KHDRBS2: variants seen among roughly 807,000 people sequenced by gnomAD.
The protein encoded by KHDRBS2 is KH RNA binding domain containing, signal transduction associated 2.
In KHDRBS2, 26 loss-of-function variants were observed where a neutral mutation model predicts 44.3. The ratio of observed to expected loss-of-function variants is 0.59; its 90% CI spans 0.43 to 0.81. The LOEUF is 0.81. Ranked by LOEUF, KHDRBS2 falls within the 40% of genes least tolerant of loss-of-function variation. KHDRBS2 has a pLI of 0.00. For missense variants in KHDRBS2, 476 were observed against 433.1 expected, an observed-to-expected ratio of 1.10 and a Z score of -0.88; for synonymous variants, 194 against 151.1, an observed-to-expected ratio of 1.28 and a Z score of -2.08.
At position 61,948,654 on chromosome 6, in the gene KHDRBS2, C is replaced by CATTATTATTATTATT. The variant is rs145017316; in HGVS notation, c.483+29397_483+29411dup. On this transcript the variant is annotated intron_variant, in intron 4 of 8. Transcript: ENST00000281156. ...TGTGTTGATAAGCACTATATTCTCA[C>CATTATTATTATTATT]ATTATTATTATTATTATTATTATTA... Among the ~76,000 whole-genome samples, 1,064 of 141,580 alleles carry CATTATTATTATTATT rather than the reference C, an allele frequency of 7.5e-3. 9 individuals carry two copies. The highest frequency in any genetic ancestry group is 0.012 in the South Asian group (51 of 4,344). The allele number at this position is 141,580 out of a possible 152,430, so 92.9% of individuals were successfully genotyped here.
At chr6:62,050,609 T>C (rs530097923) in intron 2 of KHDRBS2, among the ~76,000 whole-genome samples, 1 of 151,918 alleles carries the variant, frequency 6.6e-6, no homozygotes, top group South Asian at 2.1e-4. Flanking sequence ...CACACATATA[T>C]ACATACCCCA....
At chr6:61,763,657 C>A (rs1779589129) in intron 6 of KHDRBS2, among the ~76,000 whole-genome samples, 3 of 151,972 alleles carry the variant, frequency 2.0e-5, no homozygotes, top group Admixed American at 6.6e-5. Flanking sequence ...TGAGGAATAC[C>A]AATAATAATA....
chr6:62,190,594 C>T (rs972574603), intron 1 of KHDRBS2, among the ~76,000 whole-genome samples: 1 of 152,080 alleles, frequency 6.6e-6, no homozygotes, highest in Non-Finnish European at 1.5e-5. Flanking sequence ...TTTTAGACAC[C>T]AAGCCCAAAC....
chr6:62,109,848 T>C (rs1476508626), intron 2 of KHDRBS2, among the ~76,000 whole-genome samples: 1 of 151,808 alleles, frequency 6.6e-6, no homozygotes, highest in Non-Finnish European at 1.5e-5. Context: ...ATAATTTCAA[T>C]TTATATCACA....
At chr6:61,631,998 A>G in the KHDRBS2 span, among the ~76,000 whole-genome samples, 1 of 152,196 alleles carries the variant, frequency 6.6e-6, no homozygotes, top group African/African-American at 2.4e-5. Context: ...ACATGAGAAT[A>G]AACATAAACA....
chr6:61,818,286 A>G (rs1317563616), intron 6 of KHDRBS2, among the ~76,000 whole-genome samples: 4 of 149,630 alleles, frequency 2.7e-5, no homozygotes, highest in Non-Finnish European at 6.0e-5. Flanking sequence ...AAAAAAAAGG[A>G]TAGTAGGCAA....
At chr6:61,775,547 T>G (rs1204612441) in intron 6 of KHDRBS2, among the ~76,000 whole-genome samples, 1 of 152,042 alleles carries the variant, frequency 6.6e-6, no homozygotes, top group African/African-American at 2.4e-5. Context: ...TCACAATTGC[T>G]TCAAAGAGAA....
At chr6:61,895,282 G>C (rs773162070) in intron 5 of KHDRBS2, among the ~76,000 whole-genome samples, 1 of 151,934 alleles carries the variant, frequency 6.6e-6, no homozygotes, top group Non-Finnish European at 1.5e-5. Flanking sequence ...CTTTATGCTG[G>C]GGATTACAGA....
Position 62,213,873 on chromosome 6 carries a change from C to CAAAAAAAAAAAAAAAAAAAAAA in KHDRBS2, c.92-36583_92-36562dup, listed in dbSNP as rs67482871. 7.2e-5 allele frequency among the ~76,000 whole-genome samples: 3 copies of CAAAAAAAAAAAAAAAAAAAAAA among 41,504 alleles called. 1 individual carries two copies. The highest frequency in any genetic ancestry group is 1.8e-4 in the African/African-American group (2 of 10,872). 27.2% of individuals were successfully genotyped at this position (41,504 alleles called of 152,430 possible). A position where few individuals can be genotyped will look rare whatever the true frequency, so the allele number is the denominator to read the frequency against. ...TGGGTGACAGAGCGAGACTCCATCT[C>CAAAAAAAAAAAAAAAAAAAAAA]AAAAAAAAAAAAAAAAAAAAAAAAA... is the stretch of plus-strand genomic sequence containing the variant. On this transcript the variant is annotated intron_variant, in intron 1 of 8. Coordinates refer to ENST00000281156, the MANE Select transcript of KHDRBS2 (RefSeq NM_152688.4).
At chr6:61,848,528 T>A (rs1276118302) in intron 6 of KHDRBS2, among the ~76,000 whole-genome samples, 2 of 53,720 alleles carry the variant, frequency 3.7e-5, no homozygotes, top group African/African-American at 8.4e-5. Flanking sequence ...TGTATATATA[T>A]ATACATATAT....
At chr6:61,760,380 C>T (rs1241850942) in intron 6 of KHDRBS2, among the ~76,000 whole-genome samples, 1 of 152,154 alleles carries the variant, frequency 6.6e-6, no homozygotes, top group Non-Finnish European at 1.5e-5. Context: ...TGCCTGCAAT[C>T]CCAGCACTTT....
chr6:61,878,827 C>T (rs990049971), intron 6 of KHDRBS2, among the ~76,000 whole-genome samples: 1 of 151,958 alleles, frequency 6.6e-6, no homozygotes, highest in African/African-American at 2.4e-5. Flanking sequence ...TAATACTTAA[C>T]CTCTTCAAAT....
chr6:62,168,948 T>G (rs1484347331), intron 2 of KHDRBS2, among the ~76,000 whole-genome samples: 1 of 147,942 alleles, frequency 6.8e-6, no homozygotes, highest in Non-Finnish European at 1.5e-5. Flanking sequence ...ATGTTAAAAT[T>G]TGAAAGAAAT....
intron 4 of KHDRBS2, among the ~76,000 whole-genome samples, chr6:61,970,348 A>T (rs180787128): frequency 1.4e-3 from 211 of 147,578 alleles, no homozygotes; most frequent in African/African-American, 4.7e-3. Flanking sequence ...AAATGCATTT[A>T]AAAAAAAAAT....
At chr6:61,547,111 C>T in the KHDRBS2 span, among the ~76,000 whole-genome samples, 1 of 151,152 alleles carries the variant, frequency 6.6e-6, no homozygotes, top group African/African-American at 2.4e-5. Context: ...AACCAGAGTA[C>T]CCAGAGAAAA....
chr6:61,559,326 T>C, the KHDRBS2 span, among the ~76,000 whole-genome samples: 1 of 150,282 alleles, frequency 6.7e-6, no homozygotes, highest in East Asian at 2.0e-4. Flanking sequence ...ATTGTGTTTC[T>C]TGTAGGCAAC....
intron 6 of KHDRBS2, among the ~76,000 whole-genome samples, chr6:61,893,535 G>A (rs1196779625): frequency 6.6e-6 from 1 of 152,172 alleles, no homozygotes; most frequent in East Asian, 1.9e-4. Context: ...TTAAGAAAAC[G>A]TGGCACATAT....
intron 1 of KHDRBS2, among the ~76,000 whole-genome samples, chr6:62,239,492 G>A (rs1834231993): frequency 6.6e-6 from 1 of 152,026 alleles, no homozygotes; most frequent in Non-Finnish European, 1.5e-5. Context: ...AGAATCGCCT[G>A]AACCCTGGAG....
At chr6:61,594,090 A>G in the KHDRBS2 span, among the ~76,000 whole-genome samples, 2 of 152,198 alleles carry the variant, frequency 1.3e-5, no homozygotes, top group South Asian at 4.1e-4. Flanking sequence ...AACAATTTAC[A>G]AATTCTGGAG....
Sources: allele counts gnomAD v4.1 joint callset (sites outside exome capture counted in the v4.1 genomes callset), GRCh38; gene constraint gnomAD v4.1.1; transcripts MANE v1.5; gene names NCBI Gene and HGNC (gene_info 2026-07-23, HGNC 2026-07-21).